Variants in CTNND2 observed in about 807,000 individuals in gnomAD.
The protein encoded by CTNND2 is catenin delta-2.
In CTNND2, 22 loss-of-function variants were observed where a neutral mutation model predicts 144.4. That is an observed-to-expected ratio of 0.15 (90% CI 0.11 to 0.22). CTNND2 has a LOEUF of 0.22. CTNND2 is among the 10% of genes least tolerant of loss of function. The pLI is 1.00. For missense variants in CTNND2, 1,353 were observed against 1,618.8 expected (o/e 0.84, Z 2.82); for synonymous variants, 751 against 695.6 (o/e 1.08, Z -1.25).
At chr5:11,378,529 G>A (rs1429657648) in intron 7 of CTNND2, among the ~76,000 whole-genome samples, 2 of 152,218 alleles carry the variant, frequency 1.3e-5, no homozygotes, top group South Asian at 2.1e-4. Context: ...TTAAGTGACA[G>A]TGGGAAAATC....
At chr5:11,038,284 G>A (rs369033880) in intron 16 of CTNND2, among the ~76,000 whole-genome samples, 79 of 152,248 alleles carry the variant, frequency 5.2e-4, no homozygotes, top group African/African-American at 1.4e-3. Flanking sequence ...GCAGGTGAGC[G>A]AGAATTACAG....
chr5:11,181,754 GTGTA>G (rs1424199715), intron 11 of CTNND2, among the ~76,000 whole-genome samples: 208 of 136,610 alleles, frequency 1.5e-3, no homozygotes, highest in South Asian at 4.3e-3. Flanking sequence ...GTGTGGATGT[GTGTA>G]TGTGTGTGTG....
chr5:11,633,681 C>A (rs1781526560), intron 2 of CTNND2, among the ~76,000 whole-genome samples: 1 of 150,784 alleles, frequency 6.6e-6, no homozygotes, highest in Non-Finnish European at 1.5e-5. Context: ...GAGGCTAAGG[C>A]AGGAGAATTT....
At chr5:11,409,593 C>G (rs1346481108) in intron 5 of CTNND2, among the ~76,000 whole-genome samples, 1 of 151,982 alleles carries the variant, frequency 6.6e-6, no homozygotes, top group African/African-American at 2.4e-5. Context: ...CACACATGTT[C>G]ATTAGATTTG....
intron 21 of CTNND2, among the ~76,000 whole-genome samples, chr5:10,978,309 G>A (rs1036090591): frequency 2.7e-4 from 41 of 152,158 alleles, no homozygotes; most frequent in African/African-American, 8.9e-4. Context: ...ACTCCCAACC[G>A]GAAGAGAGTG....
At chr5:11,469,477 T>C (rs996990173) in intron 3 of CTNND2, among the ~76,000 whole-genome samples, 4 of 152,162 alleles carry the variant, frequency 2.6e-5, no homozygotes, top group African/African-American at 9.7e-5. Flanking sequence ...GCTGCATTTA[T>C]TGGAGCACCA....
chr5:11,226,191 G>T (rs1041998948), intron 10 of CTNND2, among the ~76,000 whole-genome samples: 1 of 152,202 alleles, frequency 6.6e-6, no homozygotes, highest in South Asian at 2.1e-4. Context: ...GCCCTTGGAA[G>T]CAAGCACAAA....
chr5:11,048,854 G>A (rs962749999), intron 16 of CTNND2, among the ~76,000 whole-genome samples: 3 of 152,190 alleles, frequency 2.0e-5, no homozygotes, highest in African/African-American at 7.2e-5. Context: ...ACAAGATCTG[G>A]AGCCGGGTTC....
At chr5:11,232,035 T>C (rs1270727931) in intron 10 of CTNND2, among the ~76,000 whole-genome samples, 1 of 152,226 alleles carries the variant, frequency 6.6e-6, no homozygotes, top group Non-Finnish European at 1.5e-5. Context: ...GCTTCCATGT[T>C]GTGTTGAGTC....
intron 16 of CTNND2, among the ~76,000 whole-genome samples, chr5:11,066,515 C>T (rs1478776178): frequency 1.3e-5 from 2 of 150,282 alleles, no homozygotes; most frequent in Non-Finnish European, 3.0e-5. Flanking sequence ...TGAGTTGTTC[C>T]ACCTTTCTGG....
chr5:11,513,111 G>A (rs1292570038), intron 3 of CTNND2, among the ~76,000 whole-genome samples: 1 of 152,068 alleles, frequency 6.6e-6, no homozygotes, highest in African/African-American at 2.4e-5. Flanking sequence ...CCACTGCCAG[G>A]CACCCAGGAG....
At chr5:11,893,752 G>A (rs182835643) in intron 1 of CTNND2, among the ~76,000 whole-genome samples, 6 of 152,246 alleles carry the variant, frequency 3.9e-5, no homozygotes, top group Middle Eastern at 3.4e-3. Flanking sequence ...TACAAGCTAA[G>A]TACACCCCAT....
At chr5:11,797,461 T>A (rs971828317) in intron 1 of CTNND2, among the ~76,000 whole-genome samples, 14 of 152,094 alleles carry the variant, frequency 9.2e-5, no homozygotes, top group African/African-American at 3.4e-4. Flanking sequence ...AGGATCAAAT[T>A]GTGATCAAAG....
chr5:11,788,847 G>A (rs1212557682), intron 1 of CTNND2, among the ~76,000 whole-genome samples: 1 of 113,188 alleles, frequency 8.8e-6, no homozygotes, highest in Non-Finnish European at 1.8e-5. Flanking sequence ...CCCCACAACA[G>A]GCCCTGGTGT....
chr5:11,070,228 T>G (rs1057166701), intron 16 of CTNND2, among the ~76,000 whole-genome samples: 5 of 152,080 alleles, frequency 3.3e-5, no homozygotes, highest in Non-Finnish European at 5.9e-5. Flanking sequence ...ATGGACAACA[T>G]GCATGAAAAA....
chr5:11,127,949 T>C lies in CTNND2; in HGVS notation c.2160-10382A>G, dbSNP rs568407657. Among the ~76,000 whole-genome samples the C allele has an allele frequency of 5.4e-3, 598 of 111,278 alleles. 4 individuals carry two copies. Among genetic ancestry groups the C allele is most frequent in the South Asian group, 0.019 (52 of 2,802 alleles). The allele number at this position is 111,278 out of a possible 152,430, so 73.0% of individuals were successfully genotyped here. A position where few individuals can be genotyped will look rare whatever the true frequency, so the allele number is the denominator to read the frequency against. On this transcript the variant is annotated intron_variant, in intron 12 of 21. Transcript: ENST00000304623. ...TTGGAGGCCAGAGGGTGGACTGTGGTAGGCCAGAGAACAGCCCCTCCAAGA... is the reference window on the plus strand; with the variant it reads ...TTGGAGGCCAGAGGGTGGACTGTGGCAGGCCAGAGAACAGCCCCTCCAAGA...
intron 9 of CTNND2, among the ~76,000 whole-genome samples, chr5:11,285,255 G>A (rs1457563526): frequency 2.0e-5 from 3 of 152,068 alleles, no homozygotes; most frequent in Admixed American, 6.6e-5. Context: ...ACCCACCACT[G>A]CCTTCCTCCT....
At chr5:11,728,338 G>T (rs986168219) in intron 2 of CTNND2, among the ~76,000 whole-genome samples, 4 of 151,766 alleles carry the variant, frequency 2.6e-5, no homozygotes, top group Non-Finnish European at 5.9e-5. Context: ...GCGTGGTGGC[G>T]CATGCCTGTA....
At chr5:11,716,505 C>T (rs1162263941) in intron 2 of CTNND2, among the ~76,000 whole-genome samples, 1 of 152,138 alleles carries the variant, frequency 6.6e-6, no homozygotes, top group African/African-American at 2.4e-5. Flanking sequence ...ATTCACATCA[C>T]AGCCTTGCAA....
Sources: gnomAD v4.1 joint callset for allele counts (sites outside exome capture counted in the v4.1 genomes callset) on GRCh38, gnomAD v4.1.1 for gene constraint, MANE v1.5 for transcripts, NCBI Gene and HGNC (gene_info 2026-07-23, HGNC 2026-07-21) for gene names.